The following GATA4 variants were observed in gnomAD, a reference collection of about 807,000 sequenced individuals.
The protein encoded by GATA4 is GATA binding protein 4.
GATA4 carries 7 observed loss-of-function variants against 37.9 expected under a neutral mutation model. That is an observed-to-expected ratio of 0.18 (90% CI 0.11 to 0.35). The LOEUF (loss-of-function observed/expected upper bound fraction) is 0.35. GATA4 is among the 10% of genes least tolerant of loss of function. GATA4 has a pLI of 1.00. For synonymous variants in GATA4, 372 were observed against 292.6 expected, an observed-to-expected ratio of 1.27 and a Z score of -2.77; for missense variants, 647 against 653.0, an observed-to-expected ratio of 0.99 and a Z score of 0.10.
rs140611981 is a variant in GATA4 at position 11,728,991 on chromosome 8, G to C, written c.617-19925G>C. Reference sequence around the variant, plus strand: ...CTCACGCCTGTAATCCCAGTACTTCGGGAGGTCGAGGTGGGAGGATCACTT... The same window carrying C: ...CTCACGCCTGTAATCCCAGTACTTCCGGAGGTCGAGGTGGGAGGATCACTT... On this transcript the variant is annotated intron_variant, in intron 2 of 6. Transcript: ENST00000532059. Among the ~76,000 whole-genome samples, 237 of 152,272 alleles carry C rather than the reference G, an allele frequency of 1.6e-3. 1 individual carries two copies. Among genetic ancestry groups the C allele is most frequent in the African/African-American group, 5.5e-3 (229 of 41,562 alleles).
At chr8:11,736,660 C>A (rs1184148547) in intron 2 of GATA4, among the ~76,000 whole-genome samples, 1 of 152,212 alleles carries the variant, frequency 6.6e-6, no homozygotes, top group Non-Finnish European at 1.5e-5. Context: ...TTCACCCAGT[C>A]AATTGCATTC....
rs55968178 is a variant in GATA4 at position 11,758,310 on chromosome 8, G to T, written c.1167G>T (p.Ala389=). The part of the protein sequence containing the change: ...SSVSQTFSVS[A]MSGHGPSIHP... ...CTTTTCAGACGTTCTCAGTCAGTGC[G>T]ATGTCTGGCCATGGGCCCTCCATCC... is the stretch of plus-strand genomic sequence containing the variant. Residue 389 remains alanine (A), a synonymous_variant, in exon 7 of 7, where the codon GCG becomes GCT. Coordinates refer to ENST00000532059, the MANE Select transcript of GATA4 (RefSeq NM_001308093.3). 3 of 1,614,126 alleles carry T rather than the reference G, an allele frequency of 1.9e-6. No individual in the cohort carries two copies. Among genetic ancestry groups the T allele is most frequent in the Non-Finnish European group, 2.5e-6 (3 of 1,180,020 alleles).
rs182540546 is a variant in GATA4, at chr8:11,707,232, G to A, written c.-457-624G>A. 5.9e-4 allele frequency among the ~76,000 whole-genome samples: 90 copies of A among 152,082 alleles called. No homozygotes were observed. Among genetic ancestry groups the A allele is most frequent in the Admixed American group, 3.6e-3 (55 of 15,296 alleles). On this transcript the variant is annotated intron_variant, in intron 1 of 6. Coordinates refer to ENST00000532059, the MANE Select transcript of GATA4 (RefSeq NM_001308093.3). The surrounding 1 kb of genome is among the most constrained non-coding windows in gnomAD (Gnocchi z 4.7). ...GTCCGATTTGACGTCCACATGGTTAGTGTATGGATGAGGGTTTCAGAACCC... is the reference window on the plus strand; with the variant it reads ...GTCCGATTTGACGTCCACATGGTTAATGTATGGATGAGGGTTTCAGAACCC...
chr8:11,720,124 G>GT (rs1353375049), intron 2 of GATA4, among the ~76,000 whole-genome samples: 3 of 151,860 alleles, frequency 2.0e-5, no homozygotes, highest in African/African-American at 7.2e-5. Context: ...TCTTCCTGCG[G>GT]TGTGACTCAC....
In GATA4 at chr8:11,753,300, G is replaced by A. The variant is rs145079850; in HGVS notation, c.913-1746G>A. 1.2e-4 allele frequency among the ~76,000 whole-genome samples: 18 copies of A among 152,230 alleles called. No individual in the cohort carries two copies. The East Asian group carries it at 1.5e-3, about 13-fold the overall frequency. The stretch of plus-strand genomic sequence containing the variant: ...GACAGAAAGTAGAATGGAGGCTGTC[G>A]GGGGCTAGGGAAAGGGGGAATGAGG... On this transcript the variant is annotated intron_variant, in intron 4 of 6. Transcript: ENST00000532059.
At chr8:11,724,328 G>C (rs1317736423) in intron 2 of GATA4, among the ~76,000 whole-genome samples, 3 of 152,078 alleles carry the variant, frequency 2.0e-5, no homozygotes, top group Non-Finnish European at 2.9e-5. Context: ...TATGGTATAT[G>C]CCCAAAAGCG....
intron 2 of GATA4, among the ~76,000 whole-genome samples, chr8:11,713,134 T>A (rs1367317229): frequency 6.6e-6 from 1 of 151,916 alleles, no homozygotes; most frequent in African/African-American, 2.4e-5. Context: ...AGGGCAAAAA[T>A]CAAAACAATA....
chr8:11,690,889 AG>A (rs1260331508), upstream of GATA4, among the ~76,000 whole-genome samples: 1 of 152,230 alleles, frequency 6.6e-6, no homozygotes, highest in Admixed American at 6.5e-5. Context: ...CAAACAAAAA[AG>A]GTTATGTAAG....
At chr8:11,723,704 C>G (rs1454939757) in intron 2 of GATA4, among the ~76,000 whole-genome samples, 1 of 152,126 alleles carries the variant, frequency 6.6e-6, no homozygotes, top group Non-Finnish European at 1.5e-5. Context: ...CCTCCTACCC[C>G]AAAGATAAGA....
In GATA4 at chr8:11,707,435, T is replaced by C. The variant is rs1799939845; in HGVS notation, c.-457-421T>C. On this transcript the variant is annotated intron_variant, in intron 1 of 6. Coordinates refer to ENST00000532059, the MANE Select transcript of GATA4 (RefSeq NM_001308093.3). This position sits in a 1 kb window ranked among gnomAD's most constrained non-coding sequence, Gnocchi z 4.7. The stretch of plus-strand genomic sequence containing the variant: ...TTCTAGGCCAGTCTCCCCATCTTTC[T>C]TGGGGAGAGATGGGGAACAGAGGAG... 6.6e-6 allele frequency among the ~76,000 whole-genome samples: 1 copy of C among 152,096 alleles called. No homozygotes were observed. The highest frequency in any genetic ancestry group is 1.5e-5 in the Non-Finnish European group (1 of 68,008).
intron 2 of GATA4, among the ~76,000 whole-genome samples, chr8:11,721,596 G>A (rs1201218879): frequency 6.6e-6 from 1 of 152,020 alleles, no homozygotes; most frequent in African/African-American, 2.4e-5. Context: ...GGATTTATGT[G>A]GTGTGCTTCG....
At position 11,709,216 on chromosome 8, in the gene GATA4, G is replaced by T. The variant is rs1347754853; in HGVS notation, c.616+288G>T. Among the ~76,000 whole-genome samples the T allele has an allele frequency of 1.3e-5, 2 of 152,348 alleles. No homozygotes were observed. The highest frequency in any genetic ancestry group is 3.9e-4 in the East Asian group (2 of 5,166). ...GCCATCCCAGACATCGACCGTGGCC[G>T]CGCTGCGCTGTGGGTGACGCGGGAG... is the stretch of plus-strand genomic sequence containing the variant. On this transcript the variant is annotated intron_variant, in intron 2 of 6. Transcript: ENST00000532059. The surrounding 1 kb of genome is among the most constrained non-coding windows in gnomAD (Gnocchi z 4.3).
At chr8:11,686,785 G>A (rs938321330) in intron 1 of GATA4, among the ~76,000 whole-genome samples, 1 of 152,226 alleles carries the variant, frequency 6.6e-6, no homozygotes, top group African/African-American at 2.4e-5. Flanking sequence ...AGATCACGAG[G>A]TCAGGAGTTC....
At chr8:11,745,317 T>C (rs1254368124) in intron 2 of GATA4, among the ~76,000 whole-genome samples, 1 of 145,850 alleles carries the variant, frequency 6.9e-6, no homozygotes, top group African/African-American at 2.6e-5. Context: ...CTCACGCCCA[T>C]AATCCCAGAA....
intron 5 of GATA4, 117 bp from the exon 6 acceptor site, chr8:11,756,818 C>T: frequency 7.3e-7 from 1 of 1,376,792 alleles, no homozygotes; most frequent in South Asian, 1.2e-5. Flanking sequence ...CTGCTGCTGT[C>T]CCCGGCAAAT....
intron 2 of GATA4, among the ~76,000 whole-genome samples, chr8:11,724,716 A>T (rs1800834257): frequency 6.8e-6 from 1 of 147,452 alleles, no homozygotes; most frequent in South Asian, 2.3e-4. Flanking sequence ...ACATGCACAA[A>T]GAAGTGTGTG....
intron 2 of GATA4, among the ~76,000 whole-genome samples, chr8:11,743,886 A>T (rs1007520497): frequency 2.0e-4 from 31 of 151,714 alleles, no homozygotes; most frequent in Admixed American, 3.9e-4. Flanking sequence ...TTTCCTCTTT[A>T]AAAAAAACTT....
chr8:11,721,573 G>C (rs1267615130), intron 2 of GATA4, among the ~76,000 whole-genome samples: 1 of 152,012 alleles, frequency 6.6e-6, no homozygotes, highest in Non-Finnish European at 1.5e-5. Flanking sequence ...GCACGCTACA[G>C]GCCAGTTTTG....
chr8:11,701,873 G>A (rs1427486282), upstream of GATA4, among the ~76,000 whole-genome samples: 1 of 151,034 alleles, frequency 6.6e-6, no homozygotes, highest in African/African-American at 2.4e-5. Flanking sequence ...GTGGGAGGTG[G>A]TAGGGGTGGC....
Sources: gnomAD v4.1 joint callset for allele counts (sites outside exome capture counted in the v4.1 genomes callset) on GRCh38, gnomAD v4.1.1 for gene constraint, Gnocchi (gnomAD v3.1) non-coding constraint, MANE v1.5 for transcripts, NCBI Gene and HGNC (gene_info 2026-07-23, HGNC 2026-07-21) for gene names.